The following TRAPPC9 variants were observed in gnomAD, a reference collection of about 807,000 sequenced individuals.
TRAPPC9 encodes trafficking protein particle complex subunit 9, also known as IKK2 binding protein.
TRAPPC9 carries 83 observed loss-of-function variants against 124.0 expected under a neutral mutation model. That is an observed-to-expected ratio of 0.67 (90% CI 0.56 to 0.80). The LOEUF is 0.80. Among genes scored for constraint, TRAPPC9 ranks in the 30% least tolerant of loss-of-function variants. The pLI is 0.00. For missense variants in TRAPPC9, 1,302 were observed against 1,508.3 expected, an observed-to-expected ratio of 0.86 and a Z score of 2.27; for synonymous variants, 638 against 617.5, an observed-to-expected ratio of 1.03 and a Z score of -0.49.
intron 21 of TRAPPC9, among the ~76,000 whole-genome samples, chr8:139,843,039 A>G (rs890332846): frequency 2.6e-5 from 4 of 152,218 alleles, no homozygotes; most frequent in African/African-American, 9.6e-5. Context: ...CTGGTGGTCC[A>G]GATAGAGGCA....
chr8:140,428,941 C>T (rs1210046253), intron 4 of TRAPPC9, among the ~76,000 whole-genome samples: 1 of 152,190 alleles, frequency 6.6e-6, no homozygotes, highest in Non-Finnish European at 1.5e-5. Flanking sequence ...CCACCCTTTC[C>T]ACACTGGCCA....
intron 17 of TRAPPC9, among the ~76,000 whole-genome samples, chr8:140,220,647 C>A (rs2063318623): frequency 6.6e-6 from 1 of 152,220 alleles, no homozygotes; most frequent in Admixed American, 6.5e-5. Context: ...CACCCCTCCT[C>A]TTGGTTGAGT....
Position 140,237,100 on chromosome 8 carries a change from G to A in TRAPPC9, c.2432-15517C>T, listed in dbSNP as rs188671766. On this transcript the variant is annotated intron_variant, in intron 16 of 22. Coordinates refer to ENST00000438773, the MANE Select transcript of TRAPPC9 (RefSeq NM_001160372.4). Reference sequence around the variant, plus strand: ...GGAGGCTGAGGCAGGAGAATCACTTGAGCCTGGGAGGTGGAGGTTGCAGTG... The same window carrying A: ...GGAGGCTGAGGCAGGAGAATCACTTAAGCCTGGGAGGTGGAGGTTGCAGTG... Among the ~76,000 whole-genome samples the A allele has an allele frequency of 4.9e-3, 750 of 152,236 alleles. 9 individuals carry two copies. Among genetic ancestry groups the A allele is most frequent in the Non-Finnish European group, 4.6e-3 (314 of 68,016 alleles).
At chr8:139,786,327 AG>A (rs1822248089) in intron 21 of TRAPPC9, among the ~76,000 whole-genome samples, 1 of 152,216 alleles carries the variant, frequency 6.6e-6, no homozygotes, top group Non-Finnish European at 1.5e-5. Context: ...GTGAGTCAGT[AG>A]GGAGATGCAA....
At chr8:140,030,757 A>T (rs1302820007) in intron 17 of TRAPPC9, among the ~76,000 whole-genome samples, 1 of 152,248 alleles carries the variant, frequency 6.6e-6, no homozygotes, top group Non-Finnish European at 1.5e-5. Flanking sequence ...AGCCAGACAC[A>T]CAAGAGTGCA....
At position 139,984,460 on chromosome 8, in the gene TRAPPC9, C is replaced by CG. The variant is rs1286231355; in HGVS notation, c.2810+4265dup. The stretch of plus-strand genomic sequence containing the variant: ...TTAGCACAGCCTGGGGGTGGGGGGC[C>CG]GGGGGGTGGTGGCAGGGGTGCCTCC... On this transcript the variant is annotated intron_variant, in intron 19 of 22. Transcript: ENST00000438773. This position sits in a 1 kb window ranked among gnomAD's most constrained non-coding sequence, Gnocchi z 4.3. Among the ~76,000 whole-genome samples, 1 of 124,244 alleles carries CG rather than the reference C, an allele frequency of 8.0e-6. No individual in the cohort carries two copies. Among genetic ancestry groups the CG allele is most frequent in the African/African-American group, 2.8e-5 (1 of 35,182 alleles). The allele number at this position is 124,244 out of a possible 152,430, so 81.5% of individuals were successfully genotyped here.
chr8:140,197,761 A>T (rs543920156), intron 17 of TRAPPC9, among the ~76,000 whole-genome samples: 56 of 152,312 alleles, frequency 3.7e-4, no homozygotes, highest in South Asian at 3.5e-3. Flanking sequence ...AACAGAACAA[A>T]AGAAAACAAC....
upstream of TRAPPC9, among the ~76,000 whole-genome samples, chr8:140,457,925 G>A (rs1346197567): frequency 7.2e-6 from 1 of 138,290 alleles, no homozygotes; most frequent in African/African-American, 2.7e-5. Context: ...GAGGGAGGAG[G>A]AGGAGGGAGG....
intron 5 of TRAPPC9, among the ~76,000 whole-genome samples, chr8:140,417,851 C>G (rs2132498010): frequency 6.6e-6 from 1 of 152,304 alleles, no homozygotes; most frequent in South Asian, 2.1e-4. Flanking sequence ...GAAAATGTGG[C>G]ACATATACAC....
intron 17 of TRAPPC9, among the ~76,000 whole-genome samples, chr8:140,148,634 A>T (rs1484902026): frequency 2.0e-5 from 3 of 152,080 alleles, no homozygotes; most frequent in Non-Finnish European, 4.4e-5. Context: ...GTCCCCACTC[A>T]CCCTGACCCT....
At chr8:140,264,524 AGGGG>A (rs2064549582) in intron 15 of TRAPPC9, among the ~76,000 whole-genome samples, 1 of 148,450 alleles carries the variant, frequency 6.7e-6, no homozygotes, top group Non-Finnish European at 1.5e-5. Flanking sequence ...TCTGAGAACA[AGGGG>A]AAAGCTAAGA....
chr8:140,428,890 G>A (rs1230967057), intron 4 of TRAPPC9, among the ~76,000 whole-genome samples: 13 of 152,014 alleles, frequency 8.6e-5, no homozygotes, highest in Non-Finnish European at 1.9e-4. Flanking sequence ...TGTGGACAGT[G>A]GCCAAGACAC....
intron 9 of TRAPPC9, among the ~76,000 whole-genome samples, chr8:140,340,271 C>T (rs1488555109): frequency 6.6e-5 from 10 of 152,268 alleles, no homozygotes; most frequent in Non-Finnish European, 1.3e-4. Context: ...GGGTAACAAT[C>T]ACCTGCAGAG....
chr8:140,108,456 C>T (rs941756481), intron 17 of TRAPPC9, among the ~76,000 whole-genome samples: 3 of 152,222 alleles, frequency 2.0e-5, no homozygotes, highest in East Asian at 3.9e-4. Context: ...ACAGAGAAGG[C>T]GTTTAAAGCC....
intron 9 of TRAPPC9, among the ~76,000 whole-genome samples, chr8:140,332,040 T>A (rs1303780897): frequency 6.6e-6 from 1 of 152,108 alleles, no homozygotes; most frequent in Non-Finnish European, 1.5e-5. Context: ...ACCGCAGCAC[T>A]AAGTCACAGT....
intron 17 of TRAPPC9, among the ~76,000 whole-genome samples, chr8:140,204,261 G>T (rs920937172): frequency 1.5e-4 from 23 of 151,958 alleles, no homozygotes; most frequent in African/African-American, 4.4e-4. Context: ...AAGAAAATGT[G>T]GCACATATAC....
At position 140,222,597 on chromosome 8, in the gene TRAPPC9, G is replaced by A. The variant is rs1265740208; in HGVS notation, c.2432-1014C>T. Among the ~76,000 whole-genome samples, 3 of 152,184 alleles carry A rather than the reference G, an allele frequency of 2.0e-5. No homozygotes were observed. The East Asian group carries it at 5.8e-4, about 29-fold the overall frequency. Reference sequence around the variant, plus strand: ...CTGCCCCTAGCACTCAAGAGGAAATGTCAAAGTCTGCACTGGTCTCCAAGG... The same window carrying A: ...CTGCCCCTAGCACTCAAGAGGAAATATCAAAGTCTGCACTGGTCTCCAAGG... On this transcript the variant is annotated intron_variant, in intron 16 of 22. Coordinates refer to ENST00000438773, the MANE Select transcript of TRAPPC9 (RefSeq NM_001160372.4).
At chr8:140,381,667 C>CAAAAAAAAA (rs56659960) in intron 7 of TRAPPC9, among the ~76,000 whole-genome samples, 2 of 48,382 alleles carry the variant, frequency 4.1e-5, no homozygotes. Context: ...GACTCTGTCT[C>CAAAAAAAAA]AAAAAAAAAA....
chr8:140,437,117 C>T (rs1211217520), intron 3 of TRAPPC9, among the ~76,000 whole-genome samples: 2 of 151,664 alleles, frequency 1.3e-5, no homozygotes, highest in Admixed American at 6.6e-5. Context: ...GCACAGACCA[C>T]CAAGCCCAGC....
Sources: gnomAD v4.1 joint callset for allele counts (sites outside exome capture counted in the v4.1 genomes callset) on GRCh38, gnomAD v4.1.1 for gene constraint, Gnocchi (gnomAD v3.1) non-coding constraint, MANE v1.5 for transcripts, NCBI Gene and HGNC (gene_info 2026-07-23, HGNC 2026-07-21) for gene names.